The following WWOX variants were observed in gnomAD, a reference collection of about 807,000 sequenced individuals.
The protein encoded by WWOX is WW domain containing oxidoreductase.
WWOX carries 69 observed loss-of-function variants against 46.2 expected under a neutral mutation model. The observed-to-expected ratio is 1.49, with a 90% confidence interval of 1.23 to 1.82. The LOEUF (loss-of-function observed/expected upper bound fraction) is 1.82, where lower values mean the gene tolerates loss of function less well. Ranked by LOEUF, WWOX falls within the 40% of genes most tolerant of loss-of-function variation. The probability of loss-of-function intolerance (pLI) is 0.00; values close to 1 mark genes in which losing one functional copy is unlikely to be tolerated. For synonymous variants in WWOX, 359 were observed against 202.6 expected (o/e 1.77, Z -6.56); for missense variants, 919 against 542.6 (o/e 1.69, Z -6.89).
At chr16:78,676,514 A>G (rs533052346) in intron 8 of WWOX, among the ~76,000 whole-genome samples, 2 of 152,198 alleles carry the variant, frequency 1.3e-5, no homozygotes, top group South Asian at 2.1e-4. Context: ...TCACCAGGAA[A>G]GCACATTGTT....
At position 78,981,989 on chromosome 16, in the gene WWOX, T is replaced by C. The variant is rs919628062; in HGVS notation, c.1057-229619T>C. On this transcript the variant is annotated intron_variant, in intron 8 of 8. Coordinates refer to ENST00000566780, the MANE Select transcript of WWOX (RefSeq NM_016373.4). ...CAGAACATTGAAGGCTCCAGTGTTT[T>C]GACTGGCAGAATCTCAGTTTCAACA... 1.1e-4 allele frequency: 16 copies of C among 152,188 alleles called. No homozygotes were observed. In the East Asian group the frequency reaches 1.4e-3, roughly 13 times the overall value. The allele number at this position is 152,188 out of a possible 1,614,324, so 9.4% of individuals were successfully genotyped here.
intron 8 of WWOX, among the ~76,000 whole-genome samples, chr16:79,210,348 C>G (rs541279765): frequency 2.0e-5 from 3 of 152,160 alleles, no homozygotes; most frequent in Non-Finnish European, 2.9e-5. Context: ...CCCAGGGATC[C>G]TAGAATGCAA....
chr16:78,637,599 C>A (rs1230461118), intron 8 of WWOX, among the ~76,000 whole-genome samples: 1 of 152,216 alleles, frequency 6.6e-6, no homozygotes, highest in South Asian at 2.1e-4. Flanking sequence ...TCCTTACTCA[C>A]TGACATCATT....
chr16:78,740,963 C>T (rs1022025753), intron 8 of WWOX, among the ~76,000 whole-genome samples: 1 of 152,128 alleles, frequency 6.6e-6, no homozygotes, highest in Admixed American at 6.5e-5. Context: ...GAGAACTGTG[C>T]AAATACAAGC....
At chr16:78,220,267 G>A (rs2036845954) in intron 5 of WWOX, among the ~76,000 whole-genome samples, 1 of 152,146 alleles carries the variant, frequency 6.6e-6, no homozygotes. Context: ...CCAGTTATGT[G>A]ATGGATACTT....
intron 5 of WWOX, among the ~76,000 whole-genome samples, chr16:78,377,253 T>C (rs748725165): frequency 4.6e-5 from 7 of 152,354 alleles, no homozygotes; most frequent in South Asian, 2.1e-4. Flanking sequence ...GCATAAGATA[T>C]AGGGCATGTT....
chr16:78,331,243 C>CT (rs1209503481), intron 5 of WWOX, among the ~76,000 whole-genome samples: 1 of 152,068 alleles, frequency 6.6e-6, no homozygotes, highest in Admixed American at 6.6e-5. Context: ...GCTTGCGTTT[C>CT]TTGCATTTGT....
At position 79,031,744 on chromosome 16, in the gene WWOX, C is replaced by T. The variant is rs543439065; in HGVS notation, c.1057-179864C>T. 1.2e-3 allele frequency among the ~76,000 whole-genome samples: 179 copies of T among 144,732 alleles called. 4 individuals are homozygous for T. Among genetic ancestry groups the T allele is most frequent in the Admixed American group, 9.7e-3 (140 of 14,360 alleles). The allele number at this position is 144,732 out of a possible 152,430, so 94.9% of individuals were successfully genotyped here. A position where few individuals can be genotyped will look rare whatever the true frequency, so the allele number is the denominator to read the frequency against. The stretch of plus-strand genomic sequence containing the variant: ...TTTGCTTAATAGGCTCTCTCTCTGT[C>T]TCTTTCTTTCTATATATATATATAA... On this transcript the variant is annotated intron_variant, in intron 8 of 8. Coordinates refer to ENST00000566780, the MANE Select transcript of WWOX (RefSeq NM_016373.4).
At chr16:78,930,217 A>ATCTTTCTTCCTT (rs2045588484) in intron 8 of WWOX, among the ~76,000 whole-genome samples, 1 of 79,928 alleles carries the variant, frequency 1.3e-5, no homozygotes, top group African/African-American at 5.0e-5. Flanking sequence ...TTATTTCAGG[A>ATCTTTCTTCCTT]CCTTTCTTCC....
chr16:78,696,024 G>A (rs2048091421), intron 8 of WWOX, among the ~76,000 whole-genome samples: 1 of 152,174 alleles, frequency 6.6e-6, no homozygotes, highest in Non-Finnish European at 1.5e-5. Flanking sequence ...GACGAAGTGG[G>A]AGCCTGTAGG....
At chr16:78,628,796 G>GTTGATGCCGACGACTAGCCAGGCGC (rs1240066174) in intron 8 of WWOX, among the ~76,000 whole-genome samples, 1 of 152,150 alleles carries the variant, frequency 6.6e-6, no homozygotes, top group Non-Finnish European at 1.5e-5. Context: ...AAGTCTGAAT[G>GTTGATGCCGACGACTAGCCAGGCGC]TTGATGCCGA....
At chr16:78,324,973 C>T (rs1325219416) in intron 5 of WWOX, among the ~76,000 whole-genome samples, 2 of 152,194 alleles carry the variant, frequency 1.3e-5, no homozygotes, top group Admixed American at 1.3e-4. Context: ...GTCAATTAAT[C>T]TTTGCTCCCA....
intron 8 of WWOX, among the ~76,000 whole-genome samples, chr16:78,599,966 A>C (rs774378202): frequency 5.9e-5 from 9 of 152,138 alleles, no homozygotes; most frequent in Non-Finnish European, 1.0e-4. Flanking sequence ...CTGAGGCTGC[A>C]TAATTTATGC....
intron 5 of WWOX, among the ~76,000 whole-genome samples, chr16:78,354,102 T>A (rs4305032): frequency 0.4 from 60,350 of 152,074 alleles, 12,952 homozygotes; most frequent in Non-Finnish European, 0.49. Context: ...AAAGGCTGTT[T>A]GCAGTAGTTC....
At chr16:78,968,990 T>C (rs1221668766) in intron 8 of WWOX, among the ~76,000 whole-genome samples, 2 of 152,128 alleles carry the variant, frequency 1.3e-5, no homozygotes, top group Non-Finnish European at 2.9e-5. Context: ...AATAGAACTT[T>C]ATATTTCCAG....
At chr16:78,294,559 C>A (rs1170586454) in intron 5 of WWOX, among the ~76,000 whole-genome samples, 1 of 152,108 alleles carries the variant, frequency 6.6e-6, no homozygotes, top group Non-Finnish European at 1.5e-5. Context: ...TTTACTCTTA[C>A]CTCATTCTAT....
At chr16:79,100,983 G>T (rs1162266086) in intron 8 of WWOX, among the ~76,000 whole-genome samples, 1 of 152,080 alleles carries the variant, frequency 6.6e-6, no homozygotes, top group African/African-American at 2.4e-5. Flanking sequence ...GAAAGGTCTT[G>T]TGGTGGGCAG....
intron 8 of WWOX, among the ~76,000 whole-genome samples, chr16:78,998,185 A>G (rs1222775687): frequency 6.6e-6 from 1 of 152,102 alleles, no homozygotes; most frequent in African/African-American, 2.4e-5. Flanking sequence ...CCTAGCCTCC[A>G]ACATTCTTTA....
At chr16:78,781,593 C>G (rs575292356) in intron 8 of WWOX, among the ~76,000 whole-genome samples, 2 of 152,296 alleles carry the variant, frequency 1.3e-5, no homozygotes, top group East Asian at 3.9e-4. Context: ...CCCCCACCCC[C>G]ACTTTATCCA....
Sources: gnomAD v4.1 joint callset for allele counts (sites outside exome capture counted in the v4.1 genomes callset) on GRCh38, gnomAD v4.1.1 for gene constraint, MANE v1.5 for transcripts, NCBI Gene and HGNC (gene_info 2026-07-23, HGNC 2026-07-21) for gene names.